The following UTRN variants were observed in gnomAD, a reference collection of about 807,000 sequenced individuals.
UTRN encodes the protein dystrophin-related protein 1.
In UTRN, 283 loss-of-function variants were observed where a neutral mutation model predicts 463.9. The ratio of observed to expected loss-of-function variants is 0.61; its 90% CI spans 0.55 to 0.67. The LOEUF is 0.67. UTRN is among the 30% of genes least tolerant of loss of function. UTRN has a pLI of 0.00. For missense variants in UTRN, 3,922 were observed against 4,084.3 expected, an observed-to-expected ratio of 0.96 and a Z score of 1.08; for synonymous variants, 1,442 against 1,431.5, an observed-to-expected ratio of 1.01 and a Z score of -0.17.
intron 65 of UTRN, among the ~76,000 whole-genome samples, chr6:144,803,868 A>G (rs902049261): frequency 2.0e-5 from 3 of 152,234 alleles, no homozygotes; most frequent in African/African-American, 7.2e-5. Flanking sequence ...GTCAATGAAT[A>G]TGGGTATTTT....
At chr6:144,410,716 T>A (rs1407110393) in intron 3 of UTRN, among the ~76,000 whole-genome samples, 1 of 152,096 alleles carries the variant, frequency 6.6e-6, no homozygotes, top group Non-Finnish European at 1.5e-5. Context: ...AGAATAATGG[T>A]CTCCAGTTTC....
rs1170732211 is a variant in UTRN, at chr6:144,828,977, T to C, written c.9665+122T>C. On this transcript the variant is annotated intron_variant, in intron 69 of 74. Coordinates refer to ENST00000367545, the MANE Select transcript of UTRN (RefSeq NM_007124.3). ...CCCAATCAAAATTATTAAGTGTGGT[T>C]CCAAAAATTTCTACGTAGATTTTAT... The C allele has an allele frequency of 3.7e-6, 4 of 1,073,792 alleles. No individual in the cohort carries two copies. In the East Asian group the frequency reaches 1.0e-4, roughly 28 times the overall value. 66.5% of individuals were successfully genotyped at this position (1,073,792 alleles called of 1,614,324 possible). A position where few individuals can be genotyped will look rare whatever the true frequency, so the allele number is the denominator to read the frequency against.
intron 45 of UTRN, among the ~76,000 whole-genome samples, chr6:144,539,977 A>T (rs1415666896): frequency 6.7e-6 from 1 of 149,714 alleles, no homozygotes; most frequent in East Asian, 2.0e-4. Flanking sequence ...TGGGAGGTGG[A>T]GGTTGCAGTG....
chr6:144,650,530 G>A (rs772022908), intron 51 of UTRN, among the ~76,000 whole-genome samples: 48 of 152,154 alleles, frequency 3.2e-4, no homozygotes, highest in Non-Finnish European at 5.6e-4. Context: ...CTGGGGATAC[G>A]TCAATGAATA....
intron 28 of UTRN, among the ~76,000 whole-genome samples, chr6:144,485,967 C>A (rs1010220917): frequency 1.3e-5 from 2 of 152,164 alleles, no homozygotes; most frequent in African/African-American, 4.8e-5. Flanking sequence ...GGGATCTTGT[C>A]GTAGGAGCTT....
At chr6:144,722,929 C>G (rs1160947849) in intron 53 of UTRN, among the ~76,000 whole-genome samples, 3 of 152,144 alleles carry the variant, frequency 2.0e-5, no homozygotes, top group Non-Finnish European at 4.4e-5. Context: ...GGTCAAATTG[C>G]CAACCCACAC....
intron 51 of UTRN, among the ~76,000 whole-genome samples, chr6:144,579,998 G>A (rs1221052435): frequency 6.6e-6 from 1 of 152,136 alleles, no homozygotes; most frequent in Non-Finnish European, 1.5e-5. Context: ...GCACCTTATA[G>A]ATAGAAGATT....
chr6:144,653,542 C>T (rs1189266640), intron 51 of UTRN, among the ~76,000 whole-genome samples: 1 of 150,614 alleles, frequency 6.6e-6, no homozygotes, highest in Admixed American at 6.6e-5. Context: ...GCGGAGATCA[C>T]GCCACTGCAC....
intron 53 of UTRN, among the ~76,000 whole-genome samples, chr6:144,701,743 A>G (rs566889026): frequency 2.8e-4 from 43 of 152,320 alleles, no homozygotes; most frequent in South Asian, 2.3e-3. Context: ...CTAAAGGAAA[A>G]TGTCATTTAT....
chr6:144,488,907 A>C, intron 30 of UTRN, 73 bp downstream of exon 30: 1 of 1,359,424 alleles, frequency 7.4e-7, no homozygotes, highest in East Asian at 2.6e-5. Context: ...CTATAAGAGA[A>C]CCCCTCCTGC....
chr6:144,765,304 C>T (rs1234610062), intron 58 of UTRN, among the ~76,000 whole-genome samples: 2 of 152,196 alleles, frequency 1.3e-5, no homozygotes, highest in African/African-American at 2.4e-5. Context: ...AGTAGTCATA[C>T]ATGCAATATT....
At chr6:144,798,026 G>A (rs764596478) in intron 64 of UTRN, 36 bp downstream of exon 64, 2 of 1,612,742 alleles carry the variant, frequency 1.2e-6, no homozygotes, top group South Asian at 1.1e-5. Flanking sequence ...GCTATTTTCT[G>A]TTTCCTTTGT....
chr6:144,462,167 T>G (rs914054752), intron 22 of UTRN, among the ~76,000 whole-genome samples: 16 of 152,194 alleles, frequency 1.1e-4, no homozygotes, highest in Admixed American at 2.0e-4. Flanking sequence ...GGTATTTTTT[T>G]TTGTTGTTTC....
chr6:144,624,272 T>C (rs1339997686), intron 51 of UTRN, among the ~76,000 whole-genome samples: 1 of 152,160 alleles, frequency 6.6e-6, no homozygotes, highest in Non-Finnish European at 1.5e-5. Context: ...TTGAGTATAT[T>C]ACTGAAGGTT....
At chr6:144,736,812 C>T (rs775299472) in intron 54 of UTRN, among the ~76,000 whole-genome samples, 3 of 152,192 alleles carry the variant, frequency 2.0e-5, no homozygotes, top group East Asian at 1.9e-4. Context: ...TTGAGGTTTG[C>T]TGGGAGCCAG....
chr6:144,405,061 A>C (rs1479759776), intron 3 of UTRN, among the ~76,000 whole-genome samples: 1 of 152,088 alleles, frequency 6.6e-6, no homozygotes, highest in African/African-American at 2.4e-5. Flanking sequence ...AGTAAAAGTT[A>C]TAGTTAGTTT....
At chr6:144,559,307 G>A (rs1024485743) in intron 50 of UTRN, among the ~76,000 whole-genome samples, 1 of 151,820 alleles carries the variant, frequency 6.6e-6, no homozygotes, top group African/African-American at 2.4e-5. Flanking sequence ...TGCATTTTCC[G>A]GGGGGTGGAA....
intron 51 of UTRN, among the ~76,000 whole-genome samples, chr6:144,598,247 G>A (rs1803860992): frequency 6.6e-6 from 1 of 152,192 alleles, no homozygotes; most frequent in African/African-American, 2.4e-5. Flanking sequence ...ATCAATACGT[G>A]TAAGATGTAC....
At chr6:144,391,215 G>C (rs1243738019) in intron 2 of UTRN, among the ~76,000 whole-genome samples, 2 of 151,986 alleles carry the variant, frequency 1.3e-5, no homozygotes, top group African/African-American at 4.8e-5. Flanking sequence ...GGTACTACAG[G>C]CATGTACCAC....
Sources: allele counts gnomAD v4.1 joint callset (sites outside exome capture counted in the v4.1 genomes callset), GRCh38; gene constraint gnomAD v4.1.1; transcripts MANE v1.5; gene names NCBI Gene and HGNC (gene_info 2026-07-23, HGNC 2026-07-21).